Variants in AXDND1 observed in about 807,000 individuals in gnomAD.
AXDND1 encodes the protein axonemal dynein light chain domain containing 1.
AXDND1 carries 110 observed loss-of-function variants against 137.5 expected under a neutral mutation model. The ratio of observed to expected loss-of-function variants is 0.80; its 90% CI spans 0.69 to 0.94. The LOEUF (loss-of-function observed/expected upper bound fraction) is 0.94. Among genes scored for constraint, AXDND1 ranks in the 40% least tolerant of loss-of-function variants. The pLI is 0.00. For missense variants in AXDND1, 1,191 were observed against 1,169.8 expected (o/e 1.02, Z -0.26); for synonymous variants, 414 against 399.7 (o/e 1.04, Z -0.43).
chr1:179,402,166 A>AC (rs71111989), intron 11 of AXDND1, among the ~76,000 whole-genome samples: 31,764 of 146,626 alleles, frequency 0.22, 3,051 homozygotes, highest in Non-Finnish European at 0.23. Context: ...CTCCGTCTCA[A>AC]AAAAAAAAAA....
At chr1:179,476,273 A>G (rs1206497861) in intron 17 of AXDND1, among the ~76,000 whole-genome samples, 1 of 152,204 alleles carries the variant, frequency 6.6e-6, no homozygotes, top group Non-Finnish European at 1.5e-5. Flanking sequence ...GTTTGCTCCC[A>G]TCCACCTCTT....
chr1:179,507,211 G>A (rs1328898626), intron 20 of AXDND1, among the ~76,000 whole-genome samples: 1 of 152,130 alleles, frequency 6.6e-6, no homozygotes, highest in Admixed American at 6.5e-5. Context: ...GTATTAATTA[G>A]CAACCAAGCT....
chr1:179,488,684 TTTCTTTC>T lies in AXDND1; in HGVS notation c.2092-2851_2092-2845del, dbSNP rs1445743120. On this transcript the variant is annotated intron_variant, in intron 18 of 25. Coordinates refer to ENST00000367618, the MANE Select transcript of AXDND1 (RefSeq NM_144696.6). Reference sequence around the variant, plus strand: ...CTTTCTTTCTTTCTTTCTTTCTTTCTTTCTTTCTTTCTTTCCTCTCTCTGTCTCTCTC... The same window carrying T: ...CTTTCTTTCTTTCTTTCTTTCTTTCTTTTCTTTCCTCTCTCTGTCTCTCTC... Among the ~76,000 whole-genome samples, 766 of 132,946 alleles carry T rather than the reference TTTCTTTC, an allele frequency of 5.8e-3. 87 individuals carry two copies. Among genetic ancestry groups the T allele is most frequent in the African/African-American group, 0.023 (733 of 32,192 alleles). 87.2% of individuals were successfully genotyped at this position (132,946 alleles called of 152,430 possible).
At chr1:179,446,953 T>TG (rs1659818123) in intron 16 of AXDND1, among the ~76,000 whole-genome samples, 2 of 152,138 alleles carry the variant, frequency 1.3e-5, no homozygotes, top group African/African-American at 4.8e-5. Flanking sequence ...TACATATTAA[T>TG]GGGGTACATG....
At chr1:179,380,129 G>A (rs1192351401) in intron 6 of AXDND1, among the ~76,000 whole-genome samples, 1 of 151,324 alleles carries the variant, frequency 6.6e-6, no homozygotes. Context: ...GGTGCCTGTA[G>A]TCCCAGCTGC....
intron 24 of AXDND1, among the ~76,000 whole-genome samples, chr1:179,534,271 G>C (rs1437276745): frequency 6.6e-6 from 1 of 152,222 alleles, no homozygotes; most frequent in Non-Finnish European, 1.5e-5. Flanking sequence ...GCCAGGAGAA[G>C]AGCGTAGCCA....
intron 3 of AXDND1, 27 bp downstream of exon 3, chr1:179,368,999 G>T: frequency 6.5e-7 from 1 of 1,542,400 alleles, no homozygotes; most frequent in South Asian, 1.2e-5. Context: ...GTAGAGTAAT[G>T]GGGAACATTA....
chr1:179,476,865 T>G (rs1369222591), intron 17 of AXDND1, among the ~76,000 whole-genome samples: 3 of 152,214 alleles, frequency 2.0e-5, no homozygotes, highest in East Asian at 1.9e-4. Flanking sequence ...TGGAGATTGT[T>G]AAGCTTCTTG....
chr1:179,471,757 G>GTTTACTCTACCTTTTCCATAGCCT (rs1558231516), intron 17 of AXDND1, among the ~76,000 whole-genome samples: 1 of 151,484 alleles, frequency 6.6e-6, no homozygotes, highest in African/African-American at 2.4e-5. Flanking sequence ...TTTACATTTA[G>GTTTACTCTACCTTTTCCATAGCCT]TTTACTCTAC....
chr1:179,438,923 T>C (rs937038928), intron 15 of AXDND1, among the ~76,000 whole-genome samples: 27 of 152,028 alleles, frequency 1.8e-4, no homozygotes, highest in Admixed American at 1.6e-3. Flanking sequence ...GGTCCTTTCC[T>C]CCCTGGATAA....
At chr1:179,400,718 A>G (rs1651854662) in intron 11 of AXDND1, among the ~76,000 whole-genome samples, 3 of 150,422 alleles carry the variant, frequency 2.0e-5, no homozygotes, top group African/African-American at 7.3e-5. Context: ...CCTGGCTAAC[A>G]CAGTGAAACC....
At chr1:179,386,526 C>T (rs190125529) in intron 9 of AXDND1, among the ~76,000 whole-genome samples, 156 of 152,158 alleles carry the variant, frequency 1.0e-3, no homozygotes, top group Non-Finnish European at 1.5e-3. Context: ...TGTCCCTCCA[C>T]CTCTTTTGAG....
At chr1:179,447,003 G>A (rs1481653425) in intron 16 of AXDND1, among the ~76,000 whole-genome samples, 2 of 152,128 alleles carry the variant, frequency 1.3e-5, no homozygotes, top group Non-Finnish European at 2.9e-5. Context: ...AATGATCAAG[G>A]TCAGGGTATT....
At chr1:179,409,364 T>G (rs1653494707) in intron 11 of AXDND1, among the ~76,000 whole-genome samples, 1 of 151,956 alleles carries the variant, frequency 6.6e-6, no homozygotes, top group African/African-American at 2.4e-5. Flanking sequence ...CTTTTAGGGG[T>G]TTTTTAAAAA....
chr1:179,539,298 A>G (rs113637523), intron 25 of AXDND1, among the ~76,000 whole-genome samples: 4,598 of 152,226 alleles, frequency 0.03, 218 homozygotes, highest in African/African-American at 0.1. Context: ...TGGTCTTTCC[A>G]ATTTGGCATG....
intron 12 of AXDND1, among the ~76,000 whole-genome samples, chr1:179,414,706 T>C (rs762826491): frequency 8.0e-4 from 122 of 152,300 alleles, no homozygotes; most frequent in Middle Eastern, 6.8e-3. Context: ...ATTACAAGTG[T>C]GAGCCACCGC....
At chr1:179,369,951 T>G in intron 3 of AXDND1, 24 bp from the exon 4 acceptor site, 1 of 1,544,566 alleles carries the variant, frequency 6.5e-7, no homozygotes, top group East Asian at 2.2e-5. Context: ...TGCTGGATAT[T>G]CATGTGTATT....
intron 20 of AXDND1, among the ~76,000 whole-genome samples, chr1:179,501,240 G>A (rs1667968071): frequency 6.6e-6 from 1 of 151,998 alleles, no homozygotes; most frequent in African/African-American, 2.4e-5. Context: ...AAAATAAGGT[G>A]AGAGGACTCA....
chr1:179,463,297 C>G lies in AXDND1; in HGVS notation c.1799-5146C>G, dbSNP rs1571943880. Among the ~76,000 whole-genome samples the G allele has an allele frequency of 2.0e-5, 3 of 152,272 alleles. No homozygotes were observed. The East Asian group carries it at 5.8e-4, about 29-fold the overall frequency. On this transcript the variant is annotated intron_variant, in intron 16 of 25. Coordinates refer to ENST00000367618, the MANE Select transcript of AXDND1 (RefSeq NM_144696.6). ...CTCTACACACTGCTTTAAATGTGTT[C>G]CAGAGATTCTGGTATGTTGTGTCTT...
Sources: gnomAD v4.1 joint callset for allele counts (sites outside exome capture counted in the v4.1 genomes callset) on GRCh38, gnomAD v4.1.1 for gene constraint, MANE v1.5 for transcripts, NCBI Gene and HGNC (gene_info 2026-07-23, HGNC 2026-07-21) for gene names.